NFYA: variants seen among roughly 807,000 people sequenced by gnomAD.
The protein encoded by NFYA is CAAT-box DNA binding protein subunit A.
In NFYA, 28 loss-of-function variants were observed where a neutral mutation model predicts 52.8. That is an observed-to-expected ratio of 0.53 (90% CI 0.39 to 0.73). NFYA has a LOEUF of 0.73. Ranked by LOEUF, NFYA falls within the 30% of genes least tolerant of loss-of-function variation. The pLI, the probability that NFYA is intolerant of heterozygous loss-of-function variation, is 0.00. For synonymous variants in NFYA, 150 were observed against 150.7 expected (o/e 1.00, Z 0.03); for missense variants, 234 against 427.0 (o/e 0.55, Z 3.98).
chr6:41,089,748 AT>A, intron 5 of NFYA, 38 bp downstream of exon 5: 1 of 1,599,820 alleles, frequency 6.3e-7, no homozygotes. Flanking sequence ...AGCAAAACTG[AT>A]TTGGAAGAGT....
chr6:41,077,543 TA>T, intron 1 of NFYA, among the ~76,000 whole-genome samples: 1 of 75,678 alleles, frequency 1.3e-5, no homozygotes. Flanking sequence ...GCCATAAATG[TA>T]TTGTGTATTA....
chr6:41,078,312 GTACTT>G (rs1197234584), intron 1 of NFYA, among the ~76,000 whole-genome samples: 4 of 152,152 alleles, frequency 2.6e-5, no homozygotes, highest in African/African-American at 9.7e-5. Context: ...GAGTGGTACT[GTACTT>G]TGCCACGATA....
Position 41,098,071 on chromosome 6 carries a change from A to G in NFYA, c.*661A>G, listed in dbSNP as rs1764409372. ...GATAAAAGACTCAAGCACTAAAAATATACATTGCCGAATCTCTTTTTCTAG... is the reference window on the plus strand; with the variant it reads ...GATAAAAGACTCAAGCACTAAAAATGTACATTGCCGAATCTCTTTTTCTAG... On this transcript the variant is annotated 3_prime_UTR_variant, in exon 10 of 10. Transcript: ENST00000341376. 1 of 152,708 alleles carries G rather than the reference A, an allele frequency of 6.5e-6. No homozygotes were observed. Among genetic ancestry groups the G allele is most frequent in the Admixed American group, 6.5e-5 (1 of 15,292 alleles). 9.5% of individuals were successfully genotyped at this position (152,708 alleles called of 1,614,324 possible).
rs371484816 is a variant in NFYA at position 41,102,386 on chromosome 6, ATTCTC to A, written c.*4981_*4985del. Among the ~76,000 whole-genome samples, 138 of 152,352 alleles carry A rather than the reference ATTCTC, an allele frequency of 9.1e-4. No homozygotes were observed. Among genetic ancestry groups the A allele is most frequent in the East Asian group, 7.1e-3 (37 of 5,192 alleles). The stretch of plus-strand genomic sequence containing the variant: ...TTTGTATTTTATTTCAAAATAAAGT[ATTCTC>A]TTCTAACAATAACGTATCTCAAGTG... On this transcript the variant is annotated 3_prime_UTR_variant, in exon 10 of 10. Coordinates refer to ENST00000341376, the MANE Select transcript of NFYA (RefSeq NM_002505.5).
At chr6:41,094,580 A>G in intron 9 of NFYA, 83 bp downstream of exon 9, 2 of 990,498 alleles carry the variant, frequency 2.0e-6, no homozygotes, top group Non-Finnish European at 3.2e-6. Flanking sequence ...TCCTCTTGCT[A>G]TTTTCCTACT....
chr6:41,087,067 G>A (rs1332848070), intron 4 of NFYA, among the ~76,000 whole-genome samples: 1 of 152,076 alleles, frequency 6.6e-6, no homozygotes, highest in Non-Finnish European at 1.5e-5. Context: ...TTTGTATTCA[G>A]AATATGTATA....
intron 1 of NFYA, among the ~76,000 whole-genome samples, chr6:41,078,748 T>C (rs1303719580): frequency 6.6e-6 from 1 of 152,206 alleles, no homozygotes; most frequent in East Asian, 1.9e-4. Flanking sequence ...CAAAGTGATG[T>C]AGCTTAACGA....
chr6:41,089,614 G>A lies in NFYA; in HGVS notation c.345G>A (p.Gln115=), dbSNP rs1324848990. The A allele has an allele frequency of 8.7e-6, 14 of 1,612,640 alleles. No individual in the cohort carries two copies. The East Asian group carries it at 3.1e-4, about 36-fold the overall frequency. Residue 115 remains glutamine (Q), a synonymous_variant, in exon 5 of 10, where the codon CAG becomes CAA. Transcript: ENST00000341376. ...TCCCACCTGGACAGATCCAGATCCA[G>A]GGTGGACAGGCTGTGCAGGTGCAGG... The part of the protein sequence containing the change: ...QLVPPGQIQI[Q]GGQAVQVQGQ...
chr6:41,089,009 G>A (rs896998625), intron 4 of NFYA, among the ~76,000 whole-genome samples: 3 of 151,108 alleles, frequency 2.0e-5, no homozygotes, highest in Non-Finnish European at 4.4e-5. Flanking sequence ...TTTTTGAGAC[G>A]GAATCTCGCT....
intron 6 of NFYA, 112 bp from the exon 7 acceptor site, chr6:41,091,416 G>T: frequency 9.7e-7 from 1 of 1,033,634 alleles, no homozygotes; most frequent in Non-Finnish European, 1.4e-6. Context: ...TTTTCAGTGT[G>T]TTTTGCCAGG....
intron 1 of NFYA, among the ~76,000 whole-genome samples, chr6:41,076,791 C>G (rs927505610): frequency 1.3e-5 from 2 of 152,190 alleles, no homozygotes; most frequent in Admixed American, 6.5e-5. Flanking sequence ...GAAAGACTAT[C>G]GAATTGTATT....
intron 9 of NFYA, among the ~76,000 whole-genome samples, chr6:41,095,127 T>C (rs907003100): frequency 1.3e-5 from 2 of 152,190 alleles, no homozygotes; most frequent in Middle Eastern, 3.2e-3. Flanking sequence ...TTTTAAAATG[T>C]TTATCCTATC....
In NFYA at chr6:41,089,592, C is replaced by G; in HGVS notation, c.323C>G (p.Pro108Arg). The change falls in exon 5 of 10, where the codon CCA becomes CGA. Residue 108 changes from proline to arginine, a missense_variant. Pro to Arg is a moderately radical substitution (Grantham distance 103). Coordinates refer to ENST00000341376, the MANE Select transcript of NFYA (RefSeq NM_002505.5). ...TCTTTTCTGCAGATACAGTTGGTCC[C>G]ACCTGGACAGATCCAGATCCAGGGT... ...TQGLQQIQLV[P>R]PGQIQIQGGQ... is the part of the protein sequence containing the mutation. The G allele has an allele frequency of 6.2e-7, 1 of 1,612,176 alleles. No homozygotes were observed. The highest frequency in any genetic ancestry group is 8.5e-7 in the Non-Finnish European group (1 of 1,179,816).
chr6:41,092,855 CTG>C, intron 7 of NFYA, 55 bp from the exon 8 acceptor site: 2 of 1,521,378 alleles, frequency 1.3e-6, no homozygotes, highest in South Asian at 1.3e-5. Flanking sequence ...AACCAAGAAA[CTG>C]TTTCTATGTC....
intron 8 of NFYA, among the ~76,000 whole-genome samples, chr6:41,094,163 T>C (rs535064850): frequency 6.6e-6 from 1 of 152,292 alleles, no homozygotes; most frequent in South Asian, 2.1e-4. Context: ...GTTATTTTTT[T>C]TAAAAAAAAT....
At chr6:41,083,912 G>A (rs1582027032) in intron 3 of NFYA, 134 bp from the exon 4 acceptor site, 2 of 799,856 alleles carry the variant, frequency 2.5e-6, no homozygotes, top group Non-Finnish European at 1.9e-6. Context: ...GAGGACTTGA[G>A]ACATATATTT....
intron 1 of NFYA, among the ~76,000 whole-genome samples, chr6:41,073,648 C>T (rs915294744): frequency 6.6e-6 from 1 of 152,100 alleles, no homozygotes; most frequent in African/African-American, 2.4e-5. Context: ...AGGGTGCGCG[C>T]CGCGGCCGCG....
chr6:41,083,061 A>G (rs1422158202), intron 3 of NFYA, among the ~76,000 whole-genome samples: 1 of 152,236 alleles, frequency 6.6e-6, no homozygotes, highest in Non-Finnish European at 1.5e-5. Flanking sequence ...TCAGTCATGA[A>G]TATTCTGTTC....
At position 41,081,447 on chromosome 6, in the gene NFYA, G is replaced by A. The variant is rs184815477; in HGVS notation, c.162+550G>A. On this transcript the variant is annotated intron_variant, in intron 3 of 9. Coordinates refer to ENST00000341376, the MANE Select transcript of NFYA (RefSeq NM_002505.5). ...AGAGCTTGCAGTGAGCAGAGATTGC[G>A]CCACTGCACTCCAGCCTGGGTGACA... Among the ~76,000 whole-genome samples the A allele has an allele frequency of 1.6e-4, 24 of 150,706 alleles. No homozygotes were observed. The East Asian group carries it at 4.3e-3, about 27-fold the overall frequency.
Sources: gnomAD v4.1 joint callset for allele counts (sites outside exome capture counted in the v4.1 genomes callset) on GRCh38, gnomAD v4.1.1 for gene constraint, MANE v1.5 for transcripts, NCBI Gene and HGNC (gene_info 2026-07-23, HGNC 2026-07-21) for gene names.